Variants in SSBP2 observed in about 807,000 individuals in gnomAD.
The protein encoded by SSBP2 is single-stranded DNA-binding protein 2.
SSBP2 carries 17 observed loss-of-function variants against 61.8 expected under a neutral mutation model. The ratio of observed to expected loss-of-function variants is 0.28; its 90% CI spans 0.19 to 0.41. The LOEUF (loss-of-function observed/expected upper bound fraction) is 0.41. Among genes scored for constraint, SSBP2 ranks in the 10% least tolerant of loss-of-function variants. The pLI, the probability that SSBP2 is intolerant of heterozygous loss-of-function variation, is 1.00. For synonymous variants in SSBP2, 139 were observed against 141.3 expected (o/e 0.98, Z 0.12); for missense variants, 310 against 458.7 (o/e 0.68, Z 2.96).
At chr5:81,690,242 TACTTA>T (rs986753966) in intron 1 of SSBP2, among the ~76,000 whole-genome samples, 2 of 152,070 alleles carry the variant, frequency 1.3e-5, no homozygotes, top group African/African-American at 2.4e-5. Flanking sequence ...CAGGAGTAAG[TACTTA>T]ACTTATCAAT....
At chr5:81,481,185 G>T (rs970609822) in intron 6 of SSBP2, among the ~76,000 whole-genome samples, 5 of 152,258 alleles carry the variant, frequency 3.3e-5, no homozygotes, top group African/African-American at 1.2e-4. Flanking sequence ...TTGATATTTT[G>T]ACCTCTTTCC....
chr5:81,593,126 C>T (rs774325404), intron 4 of SSBP2, among the ~76,000 whole-genome samples: 17 of 152,010 alleles, frequency 1.1e-4, no homozygotes, highest in Non-Finnish European at 2.5e-4. Context: ...CTAGAATAAC[C>T]AATGCAGAGA....
At chr5:81,598,295 A>G (rs948992993) in intron 4 of SSBP2, among the ~76,000 whole-genome samples, 1 of 152,178 alleles carries the variant, frequency 6.6e-6, no homozygotes, top group Non-Finnish European at 1.5e-5. Flanking sequence ...AAAATTTGCC[A>G]TACAGAACAC....
At chr5:81,464,333 A>G (rs1764749291) in intron 9 of SSBP2, among the ~76,000 whole-genome samples, 1 of 152,204 alleles carries the variant, frequency 6.6e-6, no homozygotes, top group Non-Finnish European at 1.5e-5. Flanking sequence ...AGTAATCTAC[A>G]ATGCATTAGA....
intron 1 of SSBP2, among the ~76,000 whole-genome samples, chr5:81,708,870 C>T (rs1754583106): frequency 6.6e-6 from 1 of 151,682 alleles, no homozygotes; most frequent in South Asian, 2.1e-4. Context: ...GTAGAGGACA[C>T]AGGGAGAGGT....
chr5:81,698,426 A>G (rs940125157), intron 1 of SSBP2, among the ~76,000 whole-genome samples: 7 of 152,234 alleles, frequency 4.6e-5, no homozygotes, highest in Non-Finnish European at 8.8e-5. Flanking sequence ...GAACACCAAA[A>G]GTTATCCTAT....
intron 4 of SSBP2, among the ~76,000 whole-genome samples, chr5:81,535,079 C>T (rs1770709580): frequency 6.6e-6 from 1 of 151,914 alleles, no homozygotes; most frequent in Admixed American, 6.6e-5. Context: ...AGTAAGGTGT[C>T]AGGATACAAG....
rs1047610573 is a variant in SSBP2, at chr5:81,419,031, AAAATT to A, written c.*1468_*1472del. The A allele has an allele frequency of 3.3e-5, 5 of 152,240 alleles. No individual in the cohort carries two copies. The highest frequency in any genetic ancestry group is 9.6e-5 in the African/African-American group (4 of 41,456). The allele number at this position is 152,240 out of a possible 1,614,324, so 9.4% of individuals were successfully genotyped here. The stretch of plus-strand genomic sequence containing the variant: ...ATCACCCAGTTATCTTTCAGAGTCT[AAAATT>A]AAAGTCTTCATATCTTTCTATTGTG... On this transcript the variant is annotated 3_prime_UTR_variant, in exon 17 of 17. Transcript: ENST00000320672.
chr5:81,677,395 GAAAC>G (rs375797821), intron 1 of SSBP2, among the ~76,000 whole-genome samples: 18 of 152,102 alleles, frequency 1.2e-4, no homozygotes, highest in South Asian at 6.2e-4. Context: ...CTTACCATAA[GAAAC>G]AAACAAACAA....
intron 1 of SSBP2, among the ~76,000 whole-genome samples, chr5:81,666,314 C>A (rs1317980231): frequency 2.0e-5 from 3 of 152,002 alleles, no homozygotes; most frequent in Admixed American, 6.6e-5. Context: ...TAGTAATGTT[C>A]TAGAACAGGA....
chr5:81,448,758 T>A (rs1370732797), intron 11 of SSBP2, 32 bp downstream of exon 11: 1 of 1,599,782 alleles, frequency 6.3e-7, no homozygotes, highest in Admixed American at 1.7e-5. Context: ...TAACATCAAT[T>A]CTTATAAGCA....
At chr5:81,701,245 G>C (rs1388097730) in intron 1 of SSBP2, among the ~76,000 whole-genome samples, 1 of 152,148 alleles carries the variant, frequency 6.6e-6, no homozygotes, top group East Asian at 1.9e-4. Flanking sequence ...CTGTTTGGTG[G>C]AGCAGTGAGA....
upstream of SSBP2, chr5:81,751,312 C>T (rs1018249518): frequency 1.6e-5 from 9 of 559,322 alleles, no homozygotes; most frequent in South Asian, 2.1e-5. Context: ...CCCGCCTTCC[C>T]TCTCCGCTCT....
At chr5:81,741,115 G>A (rs1756995653) in intron 1 of SSBP2, among the ~76,000 whole-genome samples, 1 of 152,160 alleles carries the variant, frequency 6.6e-6, no homozygotes, top group African/African-American at 2.4e-5. Context: ...TTTACTCTGT[G>A]GCCCTGGACA....
intron 4 of SSBP2, among the ~76,000 whole-genome samples, chr5:81,545,267 G>T (rs1176996717): frequency 6.6e-6 from 1 of 151,998 alleles, no homozygotes; most frequent in Non-Finnish European, 1.5e-5. Context: ...AATGTAACTG[G>T]GCATCTTGAA....
At chr5:81,633,445 C>T (rs543186619) in intron 3 of SSBP2, among the ~76,000 whole-genome samples, 1 of 152,206 alleles carries the variant, frequency 6.6e-6, no homozygotes, top group South Asian at 2.1e-4. Flanking sequence ...GCCTCTTCTT[C>T]CTCCTCATTC....
chr5:81,492,104 T>C (rs1766899698), intron 5 of SSBP2, among the ~76,000 whole-genome samples: 1 of 152,240 alleles, frequency 6.6e-6, no homozygotes, highest in African/African-American at 2.4e-5. Context: ...AATTATTTTA[T>C]GGTAAAATGC....
chr5:81,639,233 A>G (rs188910969), intron 2 of SSBP2, among the ~76,000 whole-genome samples: 5 of 152,338 alleles, frequency 3.3e-5, no homozygotes, highest in Admixed American at 6.5e-5. Context: ...AGAGTTTTTA[A>G]AAGTTGCTGA....
intron 1 of SSBP2, among the ~76,000 whole-genome samples, chr5:81,686,854 CAAA>C (rs57665340): frequency 1.1e-5 from 1 of 91,050 alleles, no homozygotes; most frequent in African/African-American, 4.3e-5. Context: ...GACTTCATCT[CAAA>C]AAAAAAAAAA....
Sources: allele counts gnomAD v4.1 joint callset (sites outside exome capture counted in the v4.1 genomes callset), GRCh38; gene constraint gnomAD v4.1.1; transcripts MANE v1.5; gene names NCBI Gene and HGNC (gene_info 2026-07-23, HGNC 2026-07-21).